Variants in SDCCAG8 observed in about 807,000 individuals in gnomAD.
The protein encoded by SDCCAG8 is SHH signaling and ciliogenesis regulator SDCCAG8, also known as serologically defined colon cancer antigen 8.
Under a neutral mutation model 101.8 loss-of-function variants are expected in SDCCAG8, and 74 were observed. That is an observed-to-expected ratio of 0.73 (90% CI 0.60 to 0.88). SDCCAG8 has a LOEUF of 0.88. SDCCAG8 is among the 40% of genes least tolerant of loss of function. The pLI is 0.00. For synonymous variants in SDCCAG8, 281 were observed against 292.9 expected (o/e 0.96, Z 0.41); for missense variants, 787 against 822.6 (o/e 0.96, Z 0.53).
At chr1:243,345,256 A>C (rs1228179576) in intron 12 of SDCCAG8, among the ~76,000 whole-genome samples, 1 of 152,204 alleles carries the variant, frequency 6.6e-6, no homozygotes, top group Non-Finnish European at 1.5e-5. Context: ...CAATTGGGAA[A>C]AGTATTGAAA....
In SDCCAG8 at chr1:243,283,526, T is replaced by G. The variant is rs750780233; in HGVS notation, c.421-2746T>G. ...ATTGCACTTCTTTTTTGGAAATTCT[T>G]ATTGACAATTCTTAAAGTTTACTAA... On this transcript the variant is annotated intron_variant, in intron 4 of 17. Coordinates refer to ENST00000366541, the MANE Select transcript of SDCCAG8 (RefSeq NM_006642.5). Among the ~76,000 whole-genome samples the G allele has an allele frequency of 9.5e-4, 144 of 151,640 alleles. 1 individual carries two copies. Among genetic ancestry groups the G allele is most frequent in the Admixed American group, 2.6e-4 (4 of 15,244 alleles).
chr1:243,324,181 A>G (rs1456986470), intron 9 of SDCCAG8, among the ~76,000 whole-genome samples: 2 of 152,026 alleles, frequency 1.3e-5, no homozygotes, highest in Non-Finnish European at 2.9e-5. Context: ...GAAACTCTAC[A>G]CAACCAAACC....
chr1:243,438,782 C>G (rs902730638), intron 16 of SDCCAG8, among the ~76,000 whole-genome samples: 7 of 152,228 alleles, frequency 4.6e-5, no homozygotes. Flanking sequence ...CTCCTGATAA[C>G]TTTCTGCTGA....
intron 8 of SDCCAG8, among the ~76,000 whole-genome samples, chr1:243,308,485 A>G (rs1240725212): frequency 6.6e-6 from 1 of 152,240 alleles, no homozygotes; most frequent in Non-Finnish European, 1.5e-5. Context: ...GTCCAGTTCT[A>G]TGAATCTATG....
chr1:243,286,728 T>C (rs1303537684), intron 5 of SDCCAG8, among the ~76,000 whole-genome samples: 3 of 152,234 alleles, frequency 2.0e-5, no homozygotes, highest in Non-Finnish European at 4.4e-5. Flanking sequence ...CTTAGATTTC[T>C]GTTGGATTTC....
rs2066673257 is a variant in SDCCAG8, at chr1:243,256,324, C to A, written c.67+84C>A. 3 of 1,112,832 alleles carry A rather than the reference C, an allele frequency of 2.7e-6. No homozygotes were observed. The Admixed American group carries it at 5.1e-5, about 19-fold the overall frequency. 68.9% of individuals were successfully genotyped at this position (1,112,832 alleles called of 1,614,324 possible). The stretch of plus-strand genomic sequence containing the variant: ...AGCAGACCAGGTGCGTTTCCTAACA[C>A]CTGGGTTCTGCCCCGTCCACGCTAC... On this transcript the variant is annotated intron_variant, in intron 1 of 17. Coordinates refer to ENST00000366541, the MANE Select transcript of SDCCAG8 (RefSeq NM_006642.5).
rs1443478055 is a variant in SDCCAG8 at position 243,308,255 on chromosome 1, G to C, written c.929+78G>C. ...TTTAAAGGGGCATTGTGTTCTTCTA[G>C]CCCTATGCTAAGTCACATGTGATTA... On this transcript the variant is annotated intron_variant, in intron 8 of 17. Transcript: ENST00000366541. 6.4e-6 allele frequency: 9 copies of C among 1,400,862 alleles called. No homozygotes were observed. The African/African-American group carries it at 1.3e-4, about 20-fold the overall frequency. 86.8% of individuals were successfully genotyped at this position (1,400,862 alleles called of 1,614,324 possible). A position where few individuals can be genotyped will look rare whatever the true frequency, so the allele number is the denominator to read the frequency against.
At chr1:243,403,688 G>A (rs1164144836) in intron 13 of SDCCAG8, among the ~76,000 whole-genome samples, 1 of 152,142 alleles carries the variant, frequency 6.6e-6, no homozygotes, top group East Asian at 1.9e-4. Context: ...CTGCGCATGT[G>A]AGGGATCTAG....
At chr1:243,314,687 G>C (rs1259565550) in intron 8 of SDCCAG8, among the ~76,000 whole-genome samples, 1 of 152,120 alleles carries the variant, frequency 6.6e-6, no homozygotes, top group African/African-American at 2.4e-5. Context: ...CTGTCTGTTT[G>C]CATACTTATA....
chr1:243,386,513 G>C (rs2078302005), intron 13 of SDCCAG8, among the ~76,000 whole-genome samples: 1 of 152,148 alleles, frequency 6.6e-6, no homozygotes, highest in South Asian at 2.1e-4. Context: ...CAGCACTTTG[G>C]GAGGCCGAGA....
At chr1:243,283,527 A>T (rs2069274087) in intron 4 of SDCCAG8, among the ~76,000 whole-genome samples, 1 of 150,398 alleles carries the variant, frequency 6.6e-6, no homozygotes, top group South Asian at 2.1e-4. Context: ...GGAAATTCTT[A>T]TTGACAATTC....
At position 243,339,774 on chromosome 1, in the gene SDCCAG8, A is replaced by G. The variant is rs184502541; in HGVS notation, c.1222-1265A>G. Among the ~76,000 whole-genome samples the G allele has an allele frequency of 3.1e-3, 473 of 152,330 alleles. 2 individuals are homozygous for G. The highest frequency in any genetic ancestry group is 0.011 in the African/African-American group (457 of 41,584). ...CTTTGGTTCAATGTTGATTTTTATC[A>G]TAGAATTTTAGTAATTGATTTAAGT... On this transcript the variant is annotated intron_variant, in intron 10 of 17. Transcript: ENST00000366541.
intron 16 of SDCCAG8, among the ~76,000 whole-genome samples, chr1:243,427,673 A>T (rs1257701092): frequency 6.6e-6 from 1 of 152,076 alleles, no homozygotes; most frequent in Non-Finnish European, 1.5e-5. Flanking sequence ...TAAAGTAAGC[A>T]TATTAGCCTG....
intron 16 of SDCCAG8, among the ~76,000 whole-genome samples, chr1:243,441,779 C>A (rs1232630881): frequency 6.6e-6 from 1 of 152,194 alleles, no homozygotes; most frequent in Admixed American, 6.5e-5. Context: ...GGAGTCACAA[C>A]TGTCATTGAT....
intron 6 of SDCCAG8, among the ~76,000 whole-genome samples, chr1:243,302,140 C>T (rs934006757): frequency 1.4e-4 from 21 of 152,008 alleles, no homozygotes; most frequent in South Asian, 4.1e-4. Flanking sequence ...CCCAGCTACT[C>T]GGGAGGCTGA....
In SDCCAG8 at chr1:243,499,820, AAG is replaced by A. The variant is rs1370704204; in HGVS notation, c.*39_*40del. On this transcript the variant is annotated 3_prime_UTR_variant, in exon 18 of 18. Transcript: ENST00000366541. ...AACAGAGTGAAATAAATGATTTACA[AAG>A]AGATATTTACATTCATCTGGTTTAG... is the stretch of plus-strand genomic sequence containing the variant. 7 of 1,602,276 alleles carry A rather than the reference AAG, an allele frequency of 4.4e-6. No individual in the cohort carries two copies. The highest frequency in any genetic ancestry group is 4.5e-5 in the East Asian group (2 of 44,840).
intron 12 of SDCCAG8, among the ~76,000 whole-genome samples, chr1:243,351,056 T>TG (rs1233653200): frequency 6.6e-6 from 1 of 152,210 alleles, no homozygotes; most frequent in African/African-American, 2.4e-5. Context: ...AGAAGGTTTT[T>TG]GGGGAATATG....
chr1:243,402,703 C>T (rs141628002), intron 13 of SDCCAG8, among the ~76,000 whole-genome samples: 213 of 152,310 alleles, frequency 1.4e-3, no homozygotes, highest in Middle Eastern at 6.8e-3. Flanking sequence ...AGCTTTCCCA[C>T]AATGCCCAGC....
At chr1:243,327,966 G>A (rs181357219) in intron 9 of SDCCAG8, among the ~76,000 whole-genome samples, 14 of 151,716 alleles carry the variant, frequency 9.2e-5, no homozygotes, top group Non-Finnish European at 2.1e-4. Flanking sequence ...GCAGTGGTGC[G>A]ATCTCAGCTC....
Sources: allele counts gnomAD v4.1 joint callset (sites outside exome capture counted in the v4.1 genomes callset), GRCh38; gene constraint gnomAD v4.1.1; transcripts MANE v1.5; gene names NCBI Gene and HGNC (gene_info 2026-07-23, HGNC 2026-07-21).